The following RIMS1 variants were observed in gnomAD, a reference collection of about 807,000 sequenced individuals.
The protein encoded by RIMS1 is regulating synaptic membrane exocytosis protein 1.
Under a neutral mutation model 214.1 loss-of-function variants are expected in RIMS1, and 83 were observed. That is an observed-to-expected ratio of 0.39 (90% CI 0.32 to 0.47). The LOEUF (loss-of-function observed/expected upper bound fraction) is 0.47, where lower values mean the gene tolerates loss of function less well. RIMS1 is among the 20% of genes least tolerant of loss of function. The pLI, the probability that RIMS1 is intolerant of heterozygous loss-of-function variation, is 0.99. For missense variants in RIMS1, 2,050 were observed against 2,161.8 expected (o/e 0.95, Z 1.03); for synonymous variants, 793 against 786.8 (o/e 1.01, Z -0.13).
chr6:72,289,742 TCA>T (rs2093032648), intron 24 of RIMS1, among the ~76,000 whole-genome samples: 1 of 152,168 alleles, frequency 6.6e-6, no homozygotes, highest in Non-Finnish European at 1.5e-5. Context: ...TTCTTTATTC[TCA>T]CACATTTTTA....
chr6:72,255,255 T>G (rs2075306348), intron 16 of RIMS1, among the ~76,000 whole-genome samples: 2 of 152,210 alleles, frequency 1.3e-5, no homozygotes, highest in Admixed American at 6.5e-5. Context: ...TAGATGTTGG[T>G]TACAAATTTG....
intron 2 of RIMS1, among the ~76,000 whole-genome samples, chr6:72,085,972 A>G (rs1331559089): frequency 1.3e-5 from 2 of 152,178 alleles, no homozygotes; most frequent in Non-Finnish European, 2.9e-5. Flanking sequence ...TCCCATTTAT[A>G]AAATGAGGAA....
chr6:71,945,680 A>C (rs1302143808), intron 1 of RIMS1, among the ~76,000 whole-genome samples: 1 of 152,154 alleles, frequency 6.6e-6, no homozygotes, highest in African/African-American at 2.4e-5. Flanking sequence ...AATTAAGCAA[A>C]AGAAAGAAAG....
chr6:72,131,100 G>A (rs953866594), intron 4 of RIMS1, among the ~76,000 whole-genome samples: 5 of 152,118 alleles, frequency 3.3e-5, no homozygotes, highest in Admixed American at 3.3e-4. Context: ...CTTTCTAATA[G>A]AGAAAGTACC....
At chr6:72,326,733 A>G (rs2096484580) in intron 28 of RIMS1, among the ~76,000 whole-genome samples, 1 of 151,796 alleles carries the variant, frequency 6.6e-6, no homozygotes, top group African/African-American at 2.4e-5. Context: ...TTCCTATATC[A>G]TAATCCTCAG....
rs937633224 is a variant in RIMS1 at position 71,919,271 on chromosome 6, A to C, written c.164+32084A>C. Among the ~76,000 whole-genome samples the C allele has an allele frequency of 5.9e-5, 9 of 152,164 alleles. 1 individual carries two copies. The highest frequency in any genetic ancestry group is 4.4e-5 in the Non-Finnish European group (3 of 68,022). On this transcript the variant is annotated intron_variant, in intron 1 of 33. Transcript: ENST00000521978. ...AAATTAATGAAACTAATAGAGATTC[A>C]GTCAATAAATGTGGACGACTGATTA...
chr6:72,103,716 TC>T (rs1011160751), intron 4 of RIMS1, among the ~76,000 whole-genome samples: 2 of 152,150 alleles, frequency 1.3e-5, no homozygotes, highest in Non-Finnish European at 2.9e-5. Flanking sequence ...TCTATGTTTG[TC>T]CTTTTGAGGG....
intron 6 of RIMS1, among the ~76,000 whole-genome samples, chr6:72,196,580 C>CTGTTTTTTTTTTTTTT (rs2050978495): frequency 1.7e-5 from 1 of 57,214 alleles, no homozygotes; most frequent in Non-Finnish European, 3.1e-5. Flanking sequence ...GCCAGCTGCA[C>CTGTTTTTTTTTTTTTT]TTTTTTTTTT....
At position 72,398,312 on chromosome 6, in the gene RIMS1, G is replaced by A. The variant is rs1355242931; in HGVS notation, c.4682G>A (p.Arg1561Gln). ...GQLEVEVIRA[R>Q]SLTQKPGSKS... Reference sequence around the variant, plus strand: ...TTAGAAGTGGAAGTCATTAGAGCACGAAGCCTCACACAAAAGCCTGGTTCC... The same window carrying A: ...TTAGAAGTGGAAGTCATTAGAGCACAAAGCCTCACACAAAAGCCTGGTTCC... The change falls in exon 32 of 34, where the codon CGA becomes CAA. Residue 1561 changes from arginine to glutamine, a missense_variant. Arg to Gln is a conservative substitution (Grantham distance 43). This residue lies in a region of RIMS1 where 121 missense variants were observed against 187.3 expected (regional missense o/e 0.65). Coordinates refer to ENST00000521978, the MANE Select transcript of RIMS1 (RefSeq NM_014989.7). The A allele has an allele frequency of 1.2e-6, 2 of 1,608,686 alleles. No individual in the cohort carries two copies. Among genetic ancestry groups the A allele is most frequent in the East Asian group, 2.2e-5 (1 of 44,734 alleles).
At chr6:71,891,057 C>T (rs896310416) in intron 1 of RIMS1, among the ~76,000 whole-genome samples, 14 of 152,146 alleles carry the variant, frequency 9.2e-5, no homozygotes, top group Non-Finnish European at 1.8e-4. Context: ...AGTCTTTTCT[C>T]AGTTGCAGAG....
chr6:72,266,202 A>G (rs1431680348), intron 22 of RIMS1, 153 bp downstream of exon 22: 3 of 682,248 alleles, frequency 4.4e-6, no homozygotes, highest in East Asian at 5.4e-5. Flanking sequence ...ATACATGTCT[A>G]TTTAGAGATA....
At chr6:72,275,426 T>A (rs2085864450) in intron 23 of RIMS1, among the ~76,000 whole-genome samples, 1 of 151,906 alleles carries the variant, frequency 6.6e-6, no homozygotes, top group Admixed American at 6.6e-5. Context: ...ATTTTATGTA[T>A]TTGTAAACAA....
chr6:72,251,021 G>T lies in RIMS1; in HGVS notation c.2473G>T (p.Glu825Ter). 1 of 1,576,150 alleles carries T rather than the reference G, an allele frequency of 6.3e-7. No individual in the cohort carries two copies. Residue 825 changes from glutamate (E) to a stop codon, truncating the protein, a stop_gained, in exon 14 of 34, where the codon GAA (glutamate) becomes TAA (stop). Transcript: ENST00000521978. LOFTEE classifies it high-confidence loss of function. The stretch of plus-strand genomic sequence containing the variant: ...ACATGTACATCGTAGAGATTTTAGA[G>T]AACGAATGTTAGAAATAACTGTGTG... ...YSHVHRRDFR[E>*]RMLEITVWDQ... is the part of the protein sequence containing the mutation.
chr6:72,196,386 T>C (rs1214148453), intron 6 of RIMS1, among the ~76,000 whole-genome samples: 2 of 83,562 alleles, frequency 2.4e-5, no homozygotes, highest in Non-Finnish European at 4.7e-5. Flanking sequence ...TGTCTATCTA[T>C]CTATCTATCT....
rs1231725750 is a variant in RIMS1 at position 72,182,908 on chromosome 6, C to G, written c.1437C>G (p.Ser479Arg). 4 of 1,576,176 alleles carry G rather than the reference C, an allele frequency of 2.5e-6. No individual in the cohort carries two copies. ...GGAAGCAGAGCCGCCTGGACCCCAG[C>G]TCGGCGGTCCTCATGCGGAAGGCCA... ...PLRKQSRLDP[S>R]SAVLMRKAKR... Residue 479 changes from serine (S) to arginine (R), a missense_variant, in exon 6 of 34, where the codon AGC (serine) becomes AGG (arginine). Around this residue, in one of 6 missense-constraint regions of RIMS1, gnomAD observed 882 missense variants for 828.9 expected, o/e 1.06. Transcript: ENST00000521978.
At chr6:72,063,044 T>A (rs1234431090) in intron 2 of RIMS1, among the ~76,000 whole-genome samples, 1 of 152,170 alleles carries the variant, frequency 6.6e-6, no homozygotes, top group Admixed American at 6.5e-5. Flanking sequence ...CATATCTTTT[T>A]TTGGGAGGTC....
intron 1 of RIMS1, among the ~76,000 whole-genome samples, chr6:71,919,324 G>A (rs1779315819): frequency 1.3e-5 from 2 of 152,124 alleles, no homozygotes; most frequent in African/African-American, 2.4e-5. Context: ...AAGATAAATG[G>A]GGGTCAGGAA....
intron 29 of RIMS1, among the ~76,000 whole-genome samples, chr6:72,385,645 T>TTATATCCACTAGAA (rs1410725382): frequency 1.3e-5 from 2 of 152,218 alleles, no homozygotes; most frequent in Non-Finnish European, 2.9e-5. Context: ...GTAACCTCCA[T>TTATATCCACTAGAA]TGGGGCAGGG....
At chr6:72,009,456 G>A (rs1243502419) in intron 2 of RIMS1, among the ~76,000 whole-genome samples, 1 of 152,050 alleles carries the variant, frequency 6.6e-6, no homozygotes, top group Non-Finnish European at 1.5e-5. Flanking sequence ...CTAGCAGAAG[G>A]CAAGAAATAA....
Sources: gnomAD v4.1 joint callset for allele counts (sites outside exome capture counted in the v4.1 genomes callset) on GRCh38, gnomAD v4.1.1 for gene constraint, gnomAD v4.1.1 regional missense constraint, MANE v1.5 for transcripts, NCBI Gene and HGNC (gene_info 2026-07-23, HGNC 2026-07-21) for gene names.